The following CAMKV variants were observed in gnomAD, a reference collection of about 807,000 sequenced individuals.
CAMKV encodes the protein caM kinase-like vesicle-associated protein.
In CAMKV, 5 loss-of-function variants were observed where a neutral mutation model predicts 50.2. The ratio of observed to expected loss-of-function variants is 0.10; its 90% CI spans 0.05 to 0.21. The LOEUF is 0.21. Ranked by LOEUF, CAMKV falls within the 10% of genes least tolerant of loss-of-function variation. The probability of loss-of-function intolerance (pLI) is 1.00; values close to 1 mark genes in which losing one functional copy is unlikely to be tolerated. For missense variants in CAMKV, 361 were observed against 650.5 expected, an observed-to-expected ratio of 0.55 and a Z score of 4.84; for synonymous variants, 229 against 250.1, an observed-to-expected ratio of 0.92 and a Z score of 0.80.
rs2082016381 is a variant in CAMKV, at chr3:49,861,067, C to T, written c.563-49G>A. The stretch of plus-strand genomic sequence containing the variant: ...TGGTCAGTATCAGGCCTAGCCAGGT[C>T]CAGTACCATCCACACCAGCTTCCTG... On this transcript the variant is annotated intron_variant, in intron 6 of 10. Coordinates refer to ENST00000477224, the MANE Select transcript of CAMKV (RefSeq NM_024046.5). The surrounding 1 kb of genome is among the most constrained non-coding windows in gnomAD (Gnocchi z 7.7). 1 of 1,611,422 alleles carries T rather than the reference C, an allele frequency of 6.2e-7. No individual in the cohort carries two copies. Among genetic ancestry groups the T allele is most frequent in the Non-Finnish European group, 8.5e-7 (1 of 1,178,572 alleles).
rs1414614976 is a variant in CAMKV at position 49,859,716 on chromosome 3, C to T, written c.1108G>A (p.Ala370Thr). Residue 370 changes from alanine (A) to threonine (T), a missense_variant, in exon 11 of 11, where the codon GCT becomes ACT. Coordinates refer to ENST00000477224, the MANE Select transcript of CAMKV (RefSeq NM_024046.5). This position sits in a 1 kb window ranked among gnomAD's most constrained non-coding sequence, Gnocchi z 5.5. ...SGATSAPEGD[A>T]ARAAKSDNVA... ...TTATCACTCTTTGCAGCACGAGCAG[C>T]ATCACCCTCAGGGGCTGAGGTAGCT... 6.2e-7 allele frequency: 1 copy of T among 1,604,790 alleles called. No individual in the cohort carries two copies. The highest frequency in any genetic ancestry group is 1.7e-5 in the Admixed American group (1 of 59,814).
chr3:49,862,195 C>T lies in CAMKV; in HGVS notation c.96-19G>A. ...CTCCTCACTGCAGCCGACAGGCACC[C>T]ACTCAGGCCTGGCCTTAGCATCAGC... On this transcript the variant is annotated intron_variant, in intron 2 of 10. Coordinates refer to ENST00000477224, the MANE Select transcript of CAMKV (RefSeq NM_024046.5). This position sits in a 1 kb window ranked among gnomAD's most constrained non-coding sequence, Gnocchi z 5.2. 1 of 1,614,180 alleles carries T rather than the reference C, an allele frequency of 6.2e-7. No individual in the cohort carries two copies. Among genetic ancestry groups the T allele is most frequent in the Non-Finnish European group, 8.5e-7 (1 of 1,180,038 alleles).
chr3:49,866,311 A>G (rs1052358571), intron 1 of CAMKV, among the ~76,000 whole-genome samples: 31 of 152,188 alleles, frequency 2.0e-4, no homozygotes, highest in Admixed American at 1.1e-3. Flanking sequence ...CTTGCAACAA[A>G]GGAGACCTGG....
Position 49,861,627 on chromosome 3 carries a change from G to A in CAMKV, c.303-50C>T. On this transcript the variant is annotated intron_variant, in intron 4 of 10. Coordinates refer to ENST00000477224, the MANE Select transcript of CAMKV (RefSeq NM_024046.5). This position sits in a 1 kb window ranked among gnomAD's most constrained non-coding sequence, Gnocchi z 7.7. ...TGGCGTGGGCAGAATCAGGGGTAGG[G>A]CAGGAGCACTTGGGTGAGCTGCCTA... 1 of 1,612,742 alleles carries A rather than the reference G, an allele frequency of 6.2e-7. No individual in the cohort carries two copies. Among genetic ancestry groups the A allele is most frequent in the Non-Finnish European group, 8.5e-7 (1 of 1,179,280 alleles).
chr3:49,860,358 C>G lies in CAMKV; in HGVS notation c.855-100G>C. The G allele has an allele frequency of 6.6e-7, 1 of 1,521,756 alleles. No homozygotes were observed. The highest frequency in any genetic ancestry group is 9.1e-7 in the Non-Finnish European group (1 of 1,098,858). The allele number at this position is 1,521,756 out of a possible 1,614,324, so 94.3% of individuals were successfully genotyped here. A position where few individuals can be genotyped will look rare whatever the true frequency, so the allele number is the denominator to read the frequency against. On this transcript the variant is annotated intron_variant, in intron 9 of 10. Coordinates refer to ENST00000477224, the MANE Select transcript of CAMKV (RefSeq NM_024046.5). The surrounding 1 kb of genome is among the most constrained non-coding windows in gnomAD (Gnocchi z 6.1). ...GCATCCAGGGACTACCAGGCAGAGC[C>G]TCTGGGCTGCCCTGAGCTCTAGGTA...
At position 49,861,938 on chromosome 3, in the gene CAMKV, C is replaced by T. The variant is rs2082025275; in HGVS notation, c.228-73G>A. 5.6e-6 allele frequency: 9 copies of T among 1,607,598 alleles called. No homozygotes were observed. The South Asian group carries it at 1.0e-4, about 18-fold the overall frequency. ...GGAGAGGCTGTGGTCACCACAGTGG[C>T]CACAGCAGACTAATTGGCCAGAGGC... is the stretch of plus-strand genomic sequence containing the variant. On this transcript the variant is annotated intron_variant, in intron 3 of 10. Coordinates refer to ENST00000477224, the MANE Select transcript of CAMKV (RefSeq NM_024046.5). This position sits in a 1 kb window ranked among gnomAD's most constrained non-coding sequence, Gnocchi z 7.7.
chr3:49,869,607 G>C lies in CAMKV; in HGVS notation c.-15+151C>G, dbSNP rs2082091766. ...ACCCCGCACTCCCTCCCCCAAATCTGCAAAGCCCGCGCGCTCTGACCCCGC... is the reference window on the plus strand; with the variant it reads ...ACCCCGCACTCCCTCCCCCAAATCTCCAAAGCCCGCGCGCTCTGACCCCGC... On this transcript the variant is annotated intron_variant, in intron 1 of 10. Coordinates refer to ENST00000477224, the MANE Select transcript of CAMKV (RefSeq NM_024046.5). The surrounding 1 kb of genome is among the most constrained non-coding windows in gnomAD (Gnocchi z 5.2). 6.6e-6 allele frequency among the ~76,000 whole-genome samples: 1 copy of C among 151,976 alleles called. No homozygotes were observed. The highest frequency in any genetic ancestry group is 1.5e-5 in the Non-Finnish European group (1 of 67,990).
At chr3:49,866,988 G>A (rs958198918) in intron 1 of CAMKV, among the ~76,000 whole-genome samples, 1 of 152,214 alleles carries the variant, frequency 6.6e-6, no homozygotes, top group Non-Finnish European at 1.5e-5. Context: ...AGGCCAGGAG[G>A]GGCCCAAGAG....
intron 1 of CAMKV, among the ~76,000 whole-genome samples, chr3:49,864,752 G>T (rs1451394361): frequency 1.3e-5 from 2 of 152,230 alleles, no homozygotes; most frequent in East Asian, 3.8e-4. Flanking sequence ...GCTGTGTGCA[G>T]GGCCTGAGCT....
chr3:49,869,518 C>T lies in CAMKV; in HGVS notation c.-15+240G>A, dbSNP rs547302990. Among the ~76,000 whole-genome samples the T allele has an allele frequency of 1.3e-5, 2 of 152,252 alleles. No individual in the cohort carries two copies. Among genetic ancestry groups the T allele is most frequent in the South Asian group, 4.1e-4 (2 of 4,822 alleles). ...TCGAGGGTTAATCTTTTCACAATTC[C>T]GAGCCGCAGAAGCTTCCCCCCAGAA... On this transcript the variant is annotated intron_variant, in intron 1 of 10. Coordinates refer to ENST00000477224, the MANE Select transcript of CAMKV (RefSeq NM_024046.5). This position sits in a 1 kb window ranked among gnomAD's most constrained non-coding sequence, Gnocchi z 5.2.
intron 1 of CAMKV, among the ~76,000 whole-genome samples, chr3:49,866,781 C>A (rs1008073790): frequency 4.6e-5 from 7 of 152,260 alleles, no homozygotes; most frequent in African/African-American, 1.4e-4. Flanking sequence ...TCTGCTGCAT[C>A]TTTAGGTAAG....
intron 1 of CAMKV, among the ~76,000 whole-genome samples, chr3:49,865,290 C>T (rs1434241265): frequency 6.6e-6 from 1 of 152,136 alleles, no homozygotes; most frequent in Admixed American, 6.5e-5. Context: ...CACATTTTCA[C>T]ACCATAACAG....
In CAMKV at chr3:49,861,923, T is replaced by C. The variant is rs200584459; in HGVS notation, c.228-58A>G. The C allele has an allele frequency of 9.3e-6, 15 of 1,609,270 alleles. No individual in the cohort carries two copies. The highest frequency in any genetic ancestry group is 1.3e-5 in the Non-Finnish European group (15 of 1,177,436). ...CTGGATGAACCCCTGGGAGAGGCTG[T>C]GGTCACCACAGTGGCCACAGCAGAC... On this transcript the variant is annotated intron_variant, in intron 3 of 10. Coordinates refer to ENST00000477224, the MANE Select transcript of CAMKV (RefSeq NM_024046.5). This position sits in a 1 kb window ranked among gnomAD's most constrained non-coding sequence, Gnocchi z 7.7.
chr3:49,867,023 G>A (rs889752488), intron 1 of CAMKV, among the ~76,000 whole-genome samples: 2 of 152,236 alleles, frequency 1.3e-5, no homozygotes, highest in Non-Finnish European at 2.9e-5. Context: ...CCCAACAACT[G>A]TAGGCAACAC....
chr3:49,867,977 C>T (rs1045289582), intron 1 of CAMKV, among the ~76,000 whole-genome samples: 3 of 152,150 alleles, frequency 2.0e-5, no homozygotes, highest in Non-Finnish European at 2.9e-5. Flanking sequence ...ACCTTCGAGA[C>T]TGCACCCTCC....
At chr3:49,865,364 T>C (rs1413415174) in intron 1 of CAMKV, among the ~76,000 whole-genome samples, 3 of 152,308 alleles carry the variant, frequency 2.0e-5, no homozygotes, top group Non-Finnish European at 2.9e-5. Flanking sequence ...AGGAGGATGG[T>C]ACCTTAGCCT....
rs372909661 is a variant in CAMKV, at chr3:49,862,450, C to T, written c.-14-48G>A. The T allele has an allele frequency of 2.6e-6, 4 of 1,528,850 alleles. No individual in the cohort carries two copies. The highest frequency in any genetic ancestry group is 1.4e-5 in the African/African-American group (1 of 73,416). 94.7% of individuals were successfully genotyped at this position (1,528,850 alleles called of 1,614,324 possible). A position where few individuals can be genotyped will look rare whatever the true frequency, so the allele number is the denominator to read the frequency against. On this transcript the variant is annotated intron_variant, in intron 1 of 10. Coordinates refer to ENST00000477224, the MANE Select transcript of CAMKV (RefSeq NM_024046.5). The surrounding 1 kb of genome is among the most constrained non-coding windows in gnomAD (Gnocchi z 5.2). ...CTTAGCTGTACTACTCTCCACTTCC[C>T]CACAACATAGGGGCTGCTTTTGGGA...
In CAMKV at chr3:49,862,958, T is replaced by C. The variant is rs1198570117; in HGVS notation, c.-14-556A>G. Among the ~76,000 whole-genome samples, 1 of 152,204 alleles carries C rather than the reference T, an allele frequency of 6.6e-6. No individual in the cohort carries two copies. Among genetic ancestry groups the C allele is most frequent in the Non-Finnish European group, 1.5e-5 (1 of 68,036 alleles). On this transcript the variant is annotated intron_variant, in intron 1 of 10. Coordinates refer to ENST00000477224, the MANE Select transcript of CAMKV (RefSeq NM_024046.5). The surrounding 1 kb of genome is among the most constrained non-coding windows in gnomAD (Gnocchi z 5.2). ...ACATATTCGTGCATCAGGACAGTCA[T>C]ACAATGCTCATAGTAGCCATATACA...
chr3:49,864,236 T>C (rs1471344895), intron 1 of CAMKV, among the ~76,000 whole-genome samples: 3 of 152,144 alleles, frequency 2.0e-5, no homozygotes, highest in Admixed American at 1.3e-4. Context: ...GAGGCAGCAT[T>C]AGGACTCAGT....
Sources: allele counts gnomAD v4.1 joint callset (sites outside exome capture counted in the v4.1 genomes callset), GRCh38; gene constraint gnomAD v4.1.1; non-coding constraint Gnocchi (gnomAD v3.1); transcripts MANE v1.5; gene names NCBI Gene and HGNC (gene_info 2026-07-23, HGNC 2026-07-21).